GUCY1A2: variants seen among roughly 807,000 people sequenced by gnomAD.
The protein encoded by GUCY1A2 is guanylate cyclase 1 soluble subunit alpha 2, also known as guanylate cyclase soluble subunit alpha-2.
A neutral mutation model predicts 63.5 loss-of-function variants in GUCY1A2; 27 were observed. The ratio of observed to expected loss-of-function variants is 0.43; its 90% CI spans 0.31 to 0.59. GUCY1A2 has a LOEUF of 0.59. Among genes scored for constraint, GUCY1A2 ranks in the 20% least tolerant of loss-of-function variants. GUCY1A2 has a pLI of 0.11. For missense variants in GUCY1A2, 768 were observed against 913.3 expected (o/e 0.84, Z 2.05); for synonymous variants, 364 against 343.5 (o/e 1.06, Z -0.66).
intron 4 of GUCY1A2, among the ~76,000 whole-genome samples, chr11:106,866,601 T>A (rs1265052293): frequency 6.6e-6 from 1 of 152,072 alleles, no homozygotes; most frequent in Non-Finnish European, 1.5e-5. Flanking sequence ...TTAGCATTTT[T>A]GTACCTTTTA....
At chr11:106,959,757 T>C (rs764958992) in intron 3 of GUCY1A2, among the ~76,000 whole-genome samples, 26 of 152,244 alleles carry the variant, frequency 1.7e-4, no homozygotes, top group Admixed American at 9.2e-4. Context: ...AATTCAATTT[T>C]TCCCTCTGCC....
chr11:106,782,742 A>G (rs905215890), intron 5 of GUCY1A2, among the ~76,000 whole-genome samples: 4 of 148,792 alleles, frequency 2.7e-5, no homozygotes, highest in Non-Finnish European at 5.9e-5. Flanking sequence ...AGAATATCCA[A>G]AAGGTTGGCC....
chr11:106,686,736 T>A lies in GUCY1A2; in HGVS notation c.*813A>T, dbSNP rs1591229672. 4.9e-6 allele frequency: 1 copy of A among 203,184 alleles called. No individual in the cohort carries two copies. Among genetic ancestry groups the A allele is most frequent in the Admixed American group, 6.0e-5 (1 of 16,740 alleles). The allele number at this position is 203,184 out of a possible 1,614,324, so 12.6% of individuals were successfully genotyped here. On this transcript the variant is annotated 3_prime_UTR_variant, in exon 8 of 8. Transcript: ENST00000526355. ...AAAAAGACCTTTCTTTAATCTTGGT[T>A]ACAGATACATCTGGTGTTAGGAAAT... is the stretch of plus-strand genomic sequence containing the variant.
At chr11:106,811,276 C>T (rs1858758812) in intron 4 of GUCY1A2, among the ~76,000 whole-genome samples, 1 of 151,954 alleles carries the variant, frequency 6.6e-6, no homozygotes, top group Non-Finnish European at 1.5e-5. Context: ...AGCTTATGCC[C>T]AGTAGCCTAA....
intron 4 of GUCY1A2, among the ~76,000 whole-genome samples, chr11:106,834,401 C>G (rs1319721711): frequency 6.6e-6 from 1 of 151,866 alleles, no homozygotes; most frequent in Non-Finnish European, 1.5e-5. Context: ...ACGTTGCATC[C>G]AAATAGCACA....
chr11:106,798,949 C>A (rs1320288427), intron 5 of GUCY1A2, among the ~76,000 whole-genome samples: 5 of 152,114 alleles, frequency 3.3e-5, no homozygotes, highest in Non-Finnish European at 7.3e-5. Flanking sequence ...AAAGGGTATT[C>A]AATTAGGAAG....
At chr11:106,826,694 T>C (rs1215653039) in intron 4 of GUCY1A2, 2 of 1,609,438 alleles carry the variant, frequency 1.2e-6, no homozygotes, top group East Asian at 2.2e-5. Context: ...CTGAAATCCA[T>C]GTCAATAGAG....
chr11:106,866,871 C>A (rs1359799264), intron 4 of GUCY1A2, among the ~76,000 whole-genome samples: 1 of 151,904 alleles, frequency 6.6e-6, no homozygotes, highest in Non-Finnish European at 1.5e-5. Context: ...AATTATGTTG[C>A]CATTAGTTGA....
chr11:106,927,944 A>G (rs947539968), intron 4 of GUCY1A2, among the ~76,000 whole-genome samples: 2 of 152,156 alleles, frequency 1.3e-5, no homozygotes, highest in Non-Finnish European at 2.9e-5. Context: ...TGTCATAATT[A>G]GTCATATTAA....
intron 1 of GUCY1A2, among the ~76,000 whole-genome samples, chr11:107,011,381 C>T (rs1861741826): frequency 6.6e-6 from 1 of 151,228 alleles, no homozygotes; most frequent in Admixed American, 6.6e-5. Context: ...AAAAGGTGAA[C>T]AAAAAGACTA....
intron 4 of GUCY1A2, among the ~76,000 whole-genome samples, chr11:106,908,925 T>C (rs926657086): frequency 3.3e-5 from 5 of 151,878 alleles, no homozygotes; most frequent in African/African-American, 9.7e-5. Context: ...TAGAAGAAGG[T>C]GAAGAAATAT....
At chr11:106,715,872 C>T (rs1863204698) in intron 6 of GUCY1A2, among the ~76,000 whole-genome samples, 1 of 152,128 alleles carries the variant, frequency 6.6e-6, no homozygotes, top group Admixed American at 6.5e-5. Context: ...GTAAAAGATA[C>T]AATAGCTAAT....
chr11:106,685,057 A>C lies in GUCY1A2; in HGVS notation c.*2492T>G. On this transcript the variant is annotated 3_prime_UTR_variant, in exon 8 of 8. Coordinates refer to ENST00000526355, the MANE Select transcript of GUCY1A2 (RefSeq NM_000855.3). ...AACATTGTAACTACAATAATCAACT[A>C]TAATAGATTAGCAAAATGATAACAA... 1 of 206,060 alleles carries C rather than the reference A, an allele frequency of 4.9e-6. No individual in the cohort carries two copies. The highest frequency in any genetic ancestry group is 2.3e-5 in the African/African-American group (1 of 43,952). The allele number at this position is 206,060 out of a possible 1,614,324, so 12.8% of individuals were successfully genotyped here.
chr11:106,931,912 T>C (rs760790175), intron 4 of GUCY1A2, among the ~76,000 whole-genome samples: 1 of 152,124 alleles, frequency 6.6e-6, no homozygotes, highest in African/African-American at 2.4e-5. Context: ...AGATGCACTA[T>C]TATATTCATT....
chr11:106,829,010 G>A (rs1031770530), intron 4 of GUCY1A2, among the ~76,000 whole-genome samples: 2 of 152,162 alleles, frequency 1.3e-5, no homozygotes, highest in African/African-American at 2.4e-5. Context: ...TTTATAAGAG[G>A]AATTATATGA....
At chr11:106,962,388 TAA>T (rs5794509) in intron 3 of GUCY1A2, among the ~76,000 whole-genome samples, 493 of 146,784 alleles carry the variant, frequency 3.4e-3, no homozygotes, top group Admixed American at 4.8e-3. Context: ...CATCTCCACT[TAA>T]AAAAAAAAAA....
chr11:106,862,899 G>A (rs2135458514), intron 4 of GUCY1A2, among the ~76,000 whole-genome samples: 1 of 152,146 alleles, frequency 6.6e-6, no homozygotes, highest in African/African-American at 2.4e-5. Flanking sequence ...GAGATACCTA[G>A]AGAAGATTTC....
chr11:106,718,386 G>C (rs976744817), intron 6 of GUCY1A2, among the ~76,000 whole-genome samples: 1 of 152,104 alleles, frequency 6.6e-6, no homozygotes, highest in Non-Finnish European at 1.5e-5. Context: ...ACAAACCACT[G>C]ATTAGGAGGG....
chr11:106,860,101 C>A (rs1002365754), intron 4 of GUCY1A2, among the ~76,000 whole-genome samples: 4 of 151,792 alleles, frequency 2.6e-5, no homozygotes, highest in Non-Finnish European at 4.4e-5. Context: ...TATTACTCAA[C>A]ATATTTAAAT....
Sources: allele counts gnomAD v4.1 joint callset (sites outside exome capture counted in the v4.1 genomes callset), GRCh38; gene constraint gnomAD v4.1.1; transcripts MANE v1.5; gene names NCBI Gene and HGNC (gene_info 2026-07-23, HGNC 2026-07-21).